LRRC4C: variants seen among roughly 807,000 people sequenced by gnomAD.
LRRC4C encodes leucine-rich repeat-containing protein 4C.
LRRC4C carries 5 observed loss-of-function variants against 33.6 expected under a neutral mutation model. That is an observed-to-expected ratio of 0.15 (90% CI 0.08 to 0.31). The LOEUF (loss-of-function observed/expected upper bound fraction) is 0.31, where lower values mean the gene tolerates loss of function less well. LRRC4C is among the 10% of genes least tolerant of loss of function. The probability of loss-of-function intolerance (pLI) is 1.00; values close to 1 mark genes in which losing one functional copy is unlikely to be tolerated. For missense variants in LRRC4C, 560 were observed against 796.7 expected (o/e 0.70, Z 3.58); for synonymous variants, 329 against 302.0 (o/e 1.09, Z -0.93).
rs144390070 is a variant in LRRC4C at position 40,759,376 on chromosome 11, ATG to A, written c.-406-111100_-406-111099del. Among the ~76,000 whole-genome samples the A allele has an allele frequency of 5.2e-3, 786 of 151,396 alleles. 4 individuals carry two copies. The highest frequency in any genetic ancestry group is 6.8e-3 in the Non-Finnish European group (464 of 67,838). ...TACCTCAGTGATAATTTAAGTGGTTATGTGAGTAAAAATTTTCAATCCAAGAT... is the reference window on the plus strand; with the variant it reads ...TACCTCAGTGATAATTTAAGTGGTTATGAGTAAAAATTTTCAATCCAAGAT... On this transcript the variant is annotated intron_variant, in intron 2 of 6. Transcript: ENST00000528697.
intron 3 of LRRC4C, among the ~76,000 whole-genome samples, chr11:40,460,157 G>T (rs1321970602): frequency 1.3e-5 from 2 of 151,946 alleles, no homozygotes; most frequent in Admixed American, 6.6e-5. Flanking sequence ...GGTCTCACTG[G>T]TACCAACTCC....
chr11:40,754,647 T>C (rs1329040881), intron 2 of LRRC4C, among the ~76,000 whole-genome samples: 1 of 152,120 alleles, frequency 6.6e-6, no homozygotes, highest in Non-Finnish European at 1.5e-5. Context: ...CCAATAATAA[T>C]ATCATTATTT....
intron 3 of LRRC4C, among the ~76,000 whole-genome samples, chr11:40,338,665 A>G (rs1590362867): frequency 6.6e-6 from 1 of 152,208 alleles, no homozygotes; most frequent in Non-Finnish European, 1.5e-5. Flanking sequence ...TCATGATGAA[A>G]TCATTTTGAA....
intron 1 of LRRC4C, among the ~76,000 whole-genome samples, chr11:41,048,260 CTTTTTTTTTTT>C (rs35599405): frequency 1.9e-5 from 2 of 107,102 alleles, no homozygotes; most frequent in Non-Finnish European, 3.6e-5. Context: ...AGATTCTTTA[CTTTTTTTTTTT>C]TTTTTTTTTT....
chr11:40,320,105 A>C (rs2136841834), intron 3 of LRRC4C, among the ~76,000 whole-genome samples: 1 of 152,294 alleles, frequency 6.6e-6, no homozygotes, highest in South Asian at 2.1e-4. Flanking sequence ...ATTGTACATA[A>C]ATTTAAAAGA....
chr11:40,567,625 C>A (rs140254767), intron 3 of LRRC4C, among the ~76,000 whole-genome samples: 2 of 152,084 alleles, frequency 1.3e-5, no homozygotes, highest in African/African-American at 4.8e-5. Context: ...CTCTCCAGTC[C>A]CATGACTCTG....
intron 1 of LRRC4C, among the ~76,000 whole-genome samples, chr11:40,947,244 C>T (rs540063001): frequency 6.6e-5 from 10 of 152,050 alleles, no homozygotes; most frequent in African/African-American, 2.4e-4. Flanking sequence ...ATTTGATTCC[C>T]AATTGTAAAA....
At chr11:40,987,614 G>T (rs1853108756) in intron 1 of LRRC4C, among the ~76,000 whole-genome samples, 1 of 129,918 alleles carries the variant, frequency 7.7e-6, no homozygotes, top group African/African-American at 2.8e-5. Context: ...GGGCTCTGCA[G>T]GTACAAGTGG....
chr11:41,245,227 G>C (rs1171726584), intron 1 of LRRC4C, among the ~76,000 whole-genome samples: 3 of 152,218 alleles, frequency 2.0e-5, no homozygotes, highest in African/African-American at 4.8e-5. Context: ...GTGGCCAGTG[G>C]TGACTATGCC....
At chr11:41,335,534 T>C (rs1009222340) in intron 1 of LRRC4C, among the ~76,000 whole-genome samples, 12 of 152,222 alleles carry the variant, frequency 7.9e-5, no homozygotes, top group Non-Finnish European at 1.6e-4. Flanking sequence ...TTTTATTGTG[T>C]GCTTCTTCCA....
At chr11:40,927,523 C>A (rs1001615156) in intron 2 of LRRC4C, among the ~76,000 whole-genome samples, 16 of 152,120 alleles carry the variant, frequency 1.1e-4, no homozygotes, top group African/African-American at 3.4e-4. Flanking sequence ...AAGAAAGACA[C>A]CTTGAGTACA....
chr11:40,114,820 G>A lies in LRRC4C; in HGVS notation c.1473C>T (p.Thr491=). The A allele has an allele frequency of 6.2e-7, 1 of 1,614,150 alleles. No individual in the cohort carries two copies. The highest frequency in any genetic ancestry group is 1.3e-5 in the African/African-American group (1 of 75,030). ...VVDWETTNVT[T]SLTPQSTRST... is the part of the protein sequence containing the mutation. The stretch of plus-strand genomic sequence containing the variant: ...ACCTTGTGCTCTGTGGTGTGAGAGA[G>A]GTGGTCACATTGGTGGTCTCCCAGT... Residue 491 remains threonine (T), a synonymous_variant, in exon 7 of 7, where the codon ACC becomes ACT. Transcript: ENST00000528697.
intron 5 of LRRC4C, among the ~76,000 whole-genome samples, chr11:40,144,447 G>T (rs1005076548): frequency 6.6e-6 from 1 of 152,124 alleles, no homozygotes; most frequent in Admixed American, 6.5e-5. Context: ...CTTGTCCCCA[G>T]ATGTATTATT....
intron 1 of LRRC4C, among the ~76,000 whole-genome samples, chr11:41,408,907 C>T (rs1437193512): frequency 2.0e-5 from 3 of 152,172 alleles, no homozygotes; most frequent in African/African-American, 7.2e-5. Flanking sequence ...TGTAGCCTGG[C>T]TGCCTTATGA....
intron 1 of LRRC4C, among the ~76,000 whole-genome samples, chr11:41,251,211 T>G (rs1277384878): frequency 1.3e-5 from 2 of 152,216 alleles, no homozygotes; most frequent in Non-Finnish European, 2.9e-5. Context: ...AGGGAAATAG[T>G]TCATGCCTAC....
At chr11:41,241,414 C>T (rs1948245518) in intron 1 of LRRC4C, among the ~76,000 whole-genome samples, 2 of 151,994 alleles carry the variant, frequency 1.3e-5, no homozygotes, top group South Asian at 4.1e-4. Context: ...GGTAAAGAAA[C>T]AGTGAGTCCA....
At chr11:40,708,515 G>C (rs1189482485) in intron 2 of LRRC4C, among the ~76,000 whole-genome samples, 3 of 152,198 alleles carry the variant, frequency 2.0e-5, no homozygotes, top group Non-Finnish European at 4.4e-5. Flanking sequence ...CCATGTAGTT[G>C]TGTGGTTTTG....
chr11:41,123,577 T>C (rs2135784877), intron 1 of LRRC4C, among the ~76,000 whole-genome samples: 1 of 152,198 alleles, frequency 6.6e-6, no homozygotes, highest in East Asian at 1.9e-4. Flanking sequence ...CGGCCTTTTT[T>C]TTCTTTTTTT....
intron 3 of LRRC4C, among the ~76,000 whole-genome samples, chr11:40,380,125 T>C (rs1457594676): frequency 6.6e-6 from 1 of 152,176 alleles, no homozygotes; most frequent in Non-Finnish European, 1.5e-5. Flanking sequence ...AAATAACCCT[T>C]TTTTGTGGGA....
Sources: allele counts gnomAD v4.1 joint callset (sites outside exome capture counted in the v4.1 genomes callset), GRCh38; gene constraint gnomAD v4.1.1; transcripts MANE v1.5; gene names NCBI Gene and HGNC (gene_info 2026-07-23, HGNC 2026-07-21).